The following ADAMTS19 variants were observed in gnomAD, a reference collection of about 807,000 sequenced individuals.
ADAMTS19 encodes A disintegrin and metalloproteinase with thrombospondin motifs 19.
A neutral mutation model predicts 153.3 loss-of-function variants in ADAMTS19; 93 were observed. That is an observed-to-expected ratio of 0.61 (90% CI 0.51 to 0.72). ADAMTS19 has a LOEUF of 0.72. Among genes scored for constraint, ADAMTS19 ranks in the 30% least tolerant of loss-of-function variants. The pLI, the probability that ADAMTS19 is intolerant of heterozygous loss-of-function variation, is 0.00. For synonymous variants in ADAMTS19, 600 were observed against 556.6 expected (o/e 1.08, Z -1.10); for missense variants, 1,482 against 1,552.1 (o/e 0.95, Z 0.76).
intron 3 of ADAMTS19, among the ~76,000 whole-genome samples, chr5:129,519,605 G>A (rs183985633): frequency 3.3e-5 from 5 of 151,084 alleles, no homozygotes; most frequent in African/African-American, 4.9e-5. Flanking sequence ...TGTAGCCTCA[G>A]TATCAAGGTT....
intron 7 of ADAMTS19, among the ~76,000 whole-genome samples, chr5:129,582,073 C>T (rs1236410163): frequency 6.6e-6 from 1 of 151,494 alleles, no homozygotes; most frequent in Non-Finnish European, 1.5e-5. Flanking sequence ...AATTTATATT[C>T]TGTTGATTTT....
chr5:129,632,651 T>G (rs1424719894), intron 10 of ADAMTS19, among the ~76,000 whole-genome samples: 1 of 152,014 alleles, frequency 6.6e-6, no homozygotes, highest in Non-Finnish European at 1.5e-5. Context: ...TGAAATATAT[T>G]TTCACTAGAT....
At chr5:129,619,824 C>T (rs926058075) in intron 8 of ADAMTS19, among the ~76,000 whole-genome samples, 2 of 151,770 alleles carry the variant, frequency 1.3e-5, no homozygotes, top group African/African-American at 2.4e-5. Flanking sequence ...AGGCTTGCCT[C>T]TAACAGTAAA....
At chr5:129,509,726 G>C (rs999412972) in intron 3 of ADAMTS19, among the ~76,000 whole-genome samples, 1 of 151,956 alleles carries the variant, frequency 6.6e-6, no homozygotes, top group South Asian at 2.1e-4. Context: ...GAAGAGTAAA[G>C]ATTTATACGT....
intron 6 of ADAMTS19, among the ~76,000 whole-genome samples, chr5:129,530,438 T>G (rs9285914): frequency 0.3 from 45,796 of 151,926 alleles, 10,037 homozygotes; most frequent in African/African-American, 0.62. Flanking sequence ...AAGAAAAACA[T>G]AAAAATTTCC....
At chr5:129,696,151 A>C (rs1456942420) in intron 19 of ADAMTS19, among the ~76,000 whole-genome samples, 1 of 152,192 alleles carries the variant, frequency 6.6e-6, no homozygotes, top group Non-Finnish European at 1.5e-5. Context: ...AAAGCCCTCT[A>C]AATCTAGCCA....
At chr5:129,692,633 G>A in intron 18 of ADAMTS19, among the ~76,000 whole-genome samples, 1 of 152,196 alleles carries the variant, frequency 6.6e-6, no homozygotes, top group East Asian at 1.9e-4. Flanking sequence ...ACTGCATAAA[G>A]TCTTCAGCCA....
At chr5:129,690,934 G>T (rs1381676890) in intron 18 of ADAMTS19, among the ~76,000 whole-genome samples, 1 of 152,022 alleles carries the variant, frequency 6.6e-6, no homozygotes, top group East Asian at 1.9e-4. Flanking sequence ...GTTAAATAAT[G>T]TATAGAAAAT....
rs370867842 is a variant in ADAMTS19, at chr5:129,468,595, GC to G, written c.747+6841del. On this transcript the variant is annotated intron_variant, in intron 2 of 22. Transcript: ENST00000274487. ...TCTCGATCTCTTGACCTCATGATCCGCCCACCTTGGCCTCCCAAAGTGCTGG... is the reference window on the plus strand; with the variant it reads ...TCTCGATCTCTTGACCTCATGATCCGCCACCTTGGCCTCCCAAAGTGCTGG... 4.8e-3 allele frequency among the ~76,000 whole-genome samples: 730 copies of G among 152,048 alleles called. 4 individuals are homozygous for G. Among genetic ancestry groups the G allele is most frequent in the Non-Finnish European group, 6.8e-3 (461 of 67,982 alleles).
intron 7 of ADAMTS19, among the ~76,000 whole-genome samples, chr5:129,582,697 C>T (rs1010802944): frequency 1.1e-4 from 16 of 151,810 alleles, no homozygotes; most frequent in Admixed American, 6.6e-4. Flanking sequence ...CTCAGCCTCT[C>T]GAGTAGCTGG....
At position 129,648,825 on chromosome 5, in the gene ADAMTS19, T is replaced by C; in HGVS notation, c.2031T>C (p.Asn677=). The C allele has an allele frequency of 6.2e-7, 1 of 1,613,866 alleles. No homozygotes were observed. The highest frequency in any genetic ancestry group is 8.5e-7 in the Non-Finnish European group (1 of 1,179,888). Residue 677 remains asparagine, a synonymous_variant, in exon 13 of 23, where the codon AAT becomes AAC. Transcript: ENST00000274487. Reference sequence around the variant, plus strand: ...TAGATTCTGAAGCAAGGGATTGTAATGGTCCCAGAAAACAATACAGAATAT... The same window carrying C: ...TAGATTCTGAAGCAAGGGATTGTAACGGTCCCAGAAAACAATACAGAATAT... The part of the protein sequence containing the change: ...PGLDSEARDC[N]GPRKQYRICE...
At chr5:129,612,657 C>A (rs1246393091) in intron 8 of ADAMTS19, among the ~76,000 whole-genome samples, 2 of 152,098 alleles carry the variant, frequency 1.3e-5, no homozygotes, top group Non-Finnish European at 2.9e-5. Flanking sequence ...CAGCTAACAT[C>A]ATAATGACAG....
At chr5:129,700,359 C>T (rs1437845232) in intron 19 of ADAMTS19, among the ~76,000 whole-genome samples, 1 of 152,134 alleles carries the variant, frequency 6.6e-6, no homozygotes, top group Admixed American at 6.5e-5. Context: ...CAAAGCTAGA[C>T]ATTGGCTAGC....
intron 11 of ADAMTS19, among the ~76,000 whole-genome samples, chr5:129,643,508 A>G (rs1752920746): frequency 6.6e-6 from 1 of 152,104 alleles, no homozygotes; most frequent in Non-Finnish European, 1.5e-5. Context: ...ATGGGTGAAT[A>G]TAACTTTTCT....
chr5:129,697,638 A>AG (rs1581236998), intron 19 of ADAMTS19, among the ~76,000 whole-genome samples: 1 of 152,254 alleles, frequency 6.6e-6, no homozygotes, highest in African/African-American at 2.4e-5. Context: ...AATCAGGTAC[A>AG]GTGACCTAGG....
chr5:129,665,414 A>G (rs1374147288), intron 15 of ADAMTS19, 85 bp from the exon 16 acceptor site: 2 of 1,214,812 alleles, frequency 1.6e-6, no homozygotes. Flanking sequence ...AACCAAAACC[A>G]AAAGGAAAAC....
chr5:129,690,143 GATGAAT>G (rs111231179), intron 18 of ADAMTS19, among the ~76,000 whole-genome samples: 3,044 of 152,244 alleles, frequency 0.02, 72 homozygotes, highest in African/African-American at 0.064. Context: ...GTGGTCCAAA[GATGAAT>G]ATGTCTTGCT....
chr5:129,683,004 T>C (rs1282192690), intron 17 of ADAMTS19, among the ~76,000 whole-genome samples: 1 of 152,068 alleles, frequency 6.6e-6, no homozygotes, highest in East Asian at 1.9e-4. Context: ...ACGACTACCT[T>C]GATGCAGGTA....
chr5:129,520,035 T>A (rs983184807), intron 3 of ADAMTS19, among the ~76,000 whole-genome samples: 2 of 152,150 alleles, frequency 1.3e-5, no homozygotes, highest in Non-Finnish European at 2.9e-5. Context: ...TCAGAGTTAC[T>A]GAGGCCGGGA....
Sources: gnomAD v4.1 joint callset for allele counts (sites outside exome capture counted in the v4.1 genomes callset) on GRCh38, gnomAD v4.1.1 for gene constraint, MANE v1.5 for transcripts, NCBI Gene and HGNC (gene_info 2026-07-23, HGNC 2026-07-21) for gene names.